DCTD: variants seen among roughly 807,000 people sequenced by gnomAD.
The protein encoded by DCTD is dCMP deaminase.
In DCTD, 23 loss-of-function variants were observed where a neutral mutation model predicts 21.0. The ratio of observed to expected loss-of-function variants is 1.09; its 90% CI spans 0.79 to 1.55. The LOEUF (loss-of-function observed/expected upper bound fraction) is 1.55, where lower values mean the gene tolerates loss of function less well. Ranked by LOEUF, DCTD falls within the 40% of genes most tolerant of loss-of-function variation. The pLI, the probability that DCTD is intolerant of heterozygous loss-of-function variation, is 0.00. For missense variants in DCTD, 224 were observed against 230.0 expected, an observed-to-expected ratio of 0.97 and a Z score of 0.17; for synonymous variants, 71 against 81.1, an observed-to-expected ratio of 0.88 and a Z score of 0.67.
intron 3 of DCTD, among the ~76,000 whole-genome samples, chr4:182,912,730 G>T (rs950334452): frequency 6.6e-6 from 1 of 152,160 alleles, no homozygotes; most frequent in Non-Finnish European, 1.5e-5. Context: ...GGAAGTCTGG[G>T]GTGTGGGGCA....
upstream of DCTD, chr4:182,917,444 A>T (rs1738949042): frequency 1.5e-6 from 1 of 689,582 alleles, no homozygotes; most frequent in Non-Finnish European, 1.8e-6. The surrounding 1 kb of genome is among the most constrained non-coding windows in gnomAD (Gnocchi z 4.9). Flanking sequence ...GCGCGTTCGC[A>T]GGACGGCGGC....
chr4:182,902,253 A>G (rs1735881317), intron 3 of DCTD, among the ~76,000 whole-genome samples: 1 of 152,150 alleles, frequency 6.6e-6, no homozygotes, highest in South Asian at 2.1e-4. Context: ...AAGTGTTCCC[A>G]ATTATGGCTT....
rs1300210532 is a variant in DCTD at position 182,917,153 on chromosome 4, C to T, written c.-8+158G>A. 1.5e-5 allele frequency: 15 copies of T among 988,510 alleles called. No homozygotes were observed. The highest frequency in any genetic ancestry group is 9.3e-5 in the South Asian group (2 of 21,406). The allele number at this position is 988,510 out of a possible 1,614,324, so 61.2% of individuals were successfully genotyped here. A position where few individuals can be genotyped will look rare whatever the true frequency, so the allele number is the denominator to read the frequency against. On this transcript the variant is annotated intron_variant, in intron 1 of 5. Coordinates refer to ENST00000438320, the MANE Select transcript of DCTD (RefSeq NM_001921.3). This position sits in a 1 kb window ranked among gnomAD's most constrained non-coding sequence, Gnocchi z 4.9. ...GCGCCCCCACCCCGCCCGCATTCTCCGATCTAAAGGCTGAGCGCGGCCGAG... is the reference window on the plus strand; with the variant it reads ...GCGCCCCCACCCCGCCCGCATTCTCTGATCTAAAGGCTGAGCGCGGCCGAG...
chr4:182,900,695 T>C (rs1735568364), intron 3 of DCTD, among the ~76,000 whole-genome samples: 1 of 152,146 alleles, frequency 6.6e-6, no homozygotes, highest in Admixed American at 6.5e-5. Context: ...TACATATATA[T>C]TTGATAAGCA....
intron 2 of DCTD, 38 bp from the exon 3 acceptor site, chr4:182,915,096 C>T: frequency 6.2e-7 from 1 of 1,613,874 alleles, no homozygotes; most frequent in Non-Finnish European, 8.5e-7. Context: ...GTGCCTGCAA[C>T]TGGCTGGTCT....
intron 3 of DCTD, among the ~76,000 whole-genome samples, chr4:182,899,077 T>A (rs1579691855): frequency 6.6e-6 from 1 of 152,092 alleles, no homozygotes; most frequent in East Asian, 1.9e-4. Context: ...ACACAGCCAA[T>A]CTCCCACTCC....
intron 3 of DCTD, among the ~76,000 whole-genome samples, chr4:182,905,392 G>C (rs376117415): frequency 1.4e-5 from 2 of 146,562 alleles, no homozygotes; most frequent in African/African-American, 5.1e-5. Flanking sequence ...GCAATGGCGC[G>C]ATCTCGGCTC....
chr4:182,892,964 G>T, intron 5 of DCTD, 67 bp downstream of exon 5: 1 of 950,124 alleles, frequency 1.1e-6, no homozygotes. Flanking sequence ...GAGGAGACAA[G>T]GTCAAATACA....
chr4:182,912,259 GACA>G (rs1384866454), intron 3 of DCTD, among the ~76,000 whole-genome samples: 1 of 151,698 alleles, frequency 6.6e-6, no homozygotes, highest in Non-Finnish European at 1.5e-5. Context: ...ACCTTGAGAA[GACA>G]ACAAGTGTAC....
At chr4:182,905,217 GA>G (rs1330520302) in intron 3 of DCTD, among the ~76,000 whole-genome samples, 1 of 151,948 alleles carries the variant, frequency 6.6e-6, no homozygotes, top group African/African-American at 2.4e-5. Flanking sequence ...GTACTTGGCT[GA>G]AACTGTACTT....
chr4:182,910,830 A>G (rs1004907778), intron 3 of DCTD, among the ~76,000 whole-genome samples: 4 of 152,192 alleles, frequency 2.6e-5, no homozygotes, highest in Non-Finnish European at 4.4e-5. Flanking sequence ...CACCCTTTAA[A>G]AATAACTCTC....
chr4:182,902,819 C>T (rs958175526), intron 3 of DCTD, among the ~76,000 whole-genome samples: 2 of 152,114 alleles, frequency 1.3e-5, no homozygotes, highest in Admixed American at 1.3e-4. Context: ...AAATCAGCAG[C>T]GGCCCGAGTG....
At chr4:182,896,490 C>T (rs957276406) in intron 3 of DCTD, among the ~76,000 whole-genome samples, 2 of 152,248 alleles carry the variant, frequency 1.3e-5, no homozygotes, top group African/African-American at 4.8e-5. Flanking sequence ...TCACTGACCA[C>T]AGCCCATCAG....
intron 4 of DCTD, among the ~76,000 whole-genome samples, chr4:182,893,752 G>T (rs1332906524): frequency 1.3e-5 from 2 of 152,262 alleles, no homozygotes; most frequent in Non-Finnish European, 2.9e-5. Flanking sequence ...ACCGCGAGGA[G>T]AGCTTCCCAG....
chr4:182,896,967 T>C (rs1017103451), intron 3 of DCTD, among the ~76,000 whole-genome samples: 21 of 152,170 alleles, frequency 1.4e-4, no homozygotes, highest in African/African-American at 5.1e-4. Context: ...ATCTAATAAA[T>C]ACTTTTGGAT....
chr4:182,892,467 C>T (rs1183858474), intron 5 of DCTD, among the ~76,000 whole-genome samples: 1 of 151,942 alleles, frequency 6.6e-6, no homozygotes, highest in Non-Finnish European at 1.5e-5. Context: ...TCCTGGCCAA[C>T]ATGGTGAAAC....
chr4:182,916,494 C>A (rs938017067), intron 1 of DCTD: 1 of 985,656 alleles, frequency 1.0e-6, no homozygotes. Flanking sequence ...CTGCTTCAGG[C>A]TCCACACTTT....
intron 3 of DCTD, among the ~76,000 whole-genome samples, chr4:182,901,963 CA>C (rs1378778672): frequency 6.6e-6 from 1 of 152,188 alleles, no homozygotes; most frequent in Non-Finnish European, 1.5e-5. Flanking sequence ...CCCCGGCCCC[CA>C]CTGCCCACAG....
intron 3 of DCTD, among the ~76,000 whole-genome samples, chr4:182,895,878 G>A (rs889812945): frequency 2.0e-5 from 3 of 152,140 alleles, no homozygotes; most frequent in Admixed American, 1.3e-4. Flanking sequence ...GCAATTCCCC[G>A]GGTGATTCCA....
Sources: gnomAD v4.1 joint callset for allele counts (sites outside exome capture counted in the v4.1 genomes callset) on GRCh38, gnomAD v4.1.1 for gene constraint, Gnocchi (gnomAD v3.1) non-coding constraint, MANE v1.5 for transcripts, NCBI Gene and HGNC (gene_info 2026-07-23, HGNC 2026-07-21) for gene names.